Variants in SNX18 observed in about 807,000 individuals in gnomAD.
SNX18 encodes the protein sorting nexin 18.
A neutral mutation model predicts 48.7 loss-of-function variants in SNX18; 35 were observed. That is an observed-to-expected ratio of 0.72 (90% confidence interval 0.55 to 0.95). SNX18 has a LOEUF of 0.95. Among genes scored for constraint, SNX18 ranks in the 40% least tolerant of loss-of-function variants. SNX18 has a pLI of 0.00. For missense variants in SNX18, 824 were observed against 871.0 expected (o/e 0.95, Z 0.68); for synonymous variants, 492 against 384.7 (o/e 1.28, Z -3.26).
the SNX18 span, chr5:54,644,764 G>A: frequency 6.6e-6 from 1 of 152,284 alleles, no homozygotes; most frequent in African/African-American, 2.4e-5. Context: ...TGGGACAAGG[G>A]GAGACCTTGG....
intron 1 of SNX18, among the ~76,000 whole-genome samples, chr5:54,528,418 T>G (rs952768076): frequency 1.3e-5 from 2 of 152,258 alleles, no homozygotes; most frequent in Admixed American, 6.5e-5. Context: ...AATAAGACAG[T>G]GCATGGGAGT....
the SNX18 span, among the ~76,000 whole-genome samples, chr5:54,620,053 G>T: frequency 6.6e-6 from 1 of 152,320 alleles, no homozygotes; most frequent in Admixed American, 6.5e-5. Context: ...GGCATAGTGA[G>T]TTTGGGGTCC....
the SNX18 span, among the ~76,000 whole-genome samples, chr5:54,577,988 C>CA: frequency 6.6e-6 from 1 of 152,154 alleles, no homozygotes; most frequent in South Asian, 2.1e-4. Flanking sequence ...CATTATTACA[C>CA]AAAAATGCCC....
the SNX18 span, among the ~76,000 whole-genome samples, chr5:54,596,295 C>T: frequency 6.6e-4 from 100 of 152,222 alleles, no homozygotes; most frequent in African/African-American, 2.2e-3. Flanking sequence ...GGTGTCCTCC[C>T]GTCTGAGGGC....
At chr5:54,612,910 C>G in the SNX18 span, among the ~76,000 whole-genome samples, 1 of 152,214 alleles carries the variant, frequency 6.6e-6, no homozygotes, top group Admixed American at 6.5e-5. Context: ...CCTAGGGCAG[C>G]TAATCCAGAC....
the SNX18 span, among the ~76,000 whole-genome samples, chr5:54,612,911 T>C: frequency 1.3e-5 from 2 of 152,208 alleles, no homozygotes; most frequent in African/African-American, 4.8e-5. Context: ...CTAGGGCAGC[T>C]AATCCAGACG....
the SNX18 span, among the ~76,000 whole-genome samples, chr5:54,569,430 T>A: frequency 1.3e-5 from 2 of 152,168 alleles, no homozygotes; most frequent in South Asian, 4.1e-4. Flanking sequence ...TAGCAACCAT[T>A]TTATTATATC....
the SNX18 span, among the ~76,000 whole-genome samples, chr5:54,612,137 T>C: frequency 6.6e-6 from 1 of 152,208 alleles, no homozygotes. Context: ...GTTGTTATAA[T>C]AGTTAATATT....
chr5:54,576,955 C>A, the SNX18 span, among the ~76,000 whole-genome samples: 3 of 152,118 alleles, frequency 2.0e-5, no homozygotes, highest in African/African-American at 7.2e-5. Context: ...GCGCCCACCA[C>A]CACGCCCAGC....
At chr5:54,627,935 G>A in the SNX18 span, among the ~76,000 whole-genome samples, 2 of 152,162 alleles carry the variant, frequency 1.3e-5, no homozygotes, top group African/African-American at 2.4e-5. Flanking sequence ...AGCTCCTGGA[G>A]CCTTATTGCA....
At chr5:54,639,319 T>C in the SNX18 span, among the ~76,000 whole-genome samples, 6 of 152,210 alleles carry the variant, frequency 3.9e-5, no homozygotes, top group Non-Finnish European at 8.8e-5. Flanking sequence ...AAGCAATGCA[T>C]TAGAATCCAT....
At chr5:54,560,070 A>T in the SNX18 span, among the ~76,000 whole-genome samples, 1 of 152,230 alleles carries the variant, frequency 6.6e-6, no homozygotes, top group African/African-American at 2.4e-5. Context: ...CAGTGTGGCG[A>T]TTCCTCAAAG....
chr5:54,588,323 T>TTA, the SNX18 span, among the ~76,000 whole-genome samples: 3 of 21,782 alleles, frequency 1.4e-4, no homozygotes, highest in Non-Finnish European at 2.6e-4. Flanking sequence ...TTTTTTTTTT[T>TTA]TTTTTTTTTT....
the SNX18 span, among the ~76,000 whole-genome samples, chr5:54,587,652 G>A: frequency 6.6e-6 from 1 of 152,162 alleles, no homozygotes; most frequent in Non-Finnish European, 1.5e-5. Context: ...AATGCTCTCA[G>A]AGCCTGCTGC....
At chr5:54,624,147 GA>G in the SNX18 span, among the ~76,000 whole-genome samples, 43 of 152,220 alleles carry the variant, frequency 2.8e-4, no homozygotes, top group Admixed American at 5.9e-4. Flanking sequence ...AAACTGCCTG[GA>G]AAAATAACTT....
the SNX18 span, among the ~76,000 whole-genome samples, chr5:54,636,198 TC>T: frequency 1.6e-4 from 24 of 152,138 alleles, 1 homozygote; most frequent in Admixed American, 1.5e-3. Flanking sequence ...GTCAGGGGCA[TC>T]CACTCTTCTC....
the SNX18 span, among the ~76,000 whole-genome samples, chr5:54,553,521 A>G: frequency 4.4e-4 from 67 of 152,306 alleles, 1 homozygote; most frequent in African/African-American, 1.6e-3. Context: ...TTAATTAACA[A>G]TCATCTTGGT....
At chr5:54,627,468 C>A in the SNX18 span, among the ~76,000 whole-genome samples, 1 of 152,054 alleles carries the variant, frequency 6.6e-6, no homozygotes. Context: ...TTTGCATATT[C>A]CCCTGGAATG....
the SNX18 span, among the ~76,000 whole-genome samples, chr5:54,599,907 A>T: frequency 1.3e-5 from 2 of 152,228 alleles, no homozygotes; most frequent in East Asian, 3.8e-4. Context: ...AGACAATACC[A>T]TACAGGACAG....
Sources: gnomAD v4.1 joint callset for allele counts (sites outside exome capture counted in the v4.1 genomes callset) on GRCh38, gnomAD v4.1.1 for gene constraint, MANE v1.5 for transcripts, NCBI Gene and HGNC (gene_info 2026-07-23, HGNC 2026-07-21) for gene names.